The following CUEDC1 variants were observed in gnomAD, a reference collection of about 807,000 sequenced individuals.
CUEDC1 encodes the protein CUE domain containing 1.
In CUEDC1, 30 loss-of-function variants were observed where a neutral mutation model predicts 43.7. That is an observed-to-expected ratio of 0.69 (90% confidence interval 0.51 to 0.93). CUEDC1 has a LOEUF of 0.93. Ranked by LOEUF, CUEDC1 falls within the 40% of genes least tolerant of loss-of-function variation. The pLI is 0.00. For missense variants in CUEDC1, 486 were observed against 549.0 expected (o/e 0.89, Z 1.15); for synonymous variants, 223 against 223.6 (o/e 1.00, Z 0.02).
intron 1 of CUEDC1, among the ~76,000 whole-genome samples, chr17:57,915,903 C>T (rs561689882): frequency 1.3e-5 from 2 of 152,340 alleles, no homozygotes; most frequent in East Asian, 3.9e-4. Context: ...GGTTTCATTT[C>T]CTGCCAGGCA....
chr17:57,909,906 G>T (rs1306487897), intron 1 of CUEDC1, among the ~76,000 whole-genome samples: 1 of 152,242 alleles, frequency 6.6e-6, no homozygotes, highest in Non-Finnish European at 1.5e-5. Flanking sequence ...ATATCAAAGA[G>T]AACCCAACGG....
intron 2 of CUEDC1, among the ~76,000 whole-genome samples, chr17:57,881,540 G>C (rs1434406956): frequency 6.6e-6 from 1 of 152,196 alleles, no homozygotes; most frequent in East Asian, 1.9e-4. Flanking sequence ...CTGTTTCCCA[G>C]ACCCCTCTTC....
chr17:57,886,544 G>A (rs779924587), intron 1 of CUEDC1, among the ~76,000 whole-genome samples: 3 of 152,188 alleles, frequency 2.0e-5, no homozygotes, highest in Non-Finnish European at 4.4e-5. Context: ...GGGCTAATAG[G>A]GGAGGCCCAG....
intron 1 of CUEDC1, among the ~76,000 whole-genome samples, chr17:57,918,084 G>A (rs2074662258): frequency 6.6e-6 from 1 of 152,232 alleles, no homozygotes; most frequent in Non-Finnish European, 1.5e-5. Context: ...GGAGCTGGTG[G>A]GAGAAGCAGT....
At chr17:57,896,489 T>TGTGG (rs2074411139) in intron 1 of CUEDC1, among the ~76,000 whole-genome samples, 1 of 25,706 alleles carries the variant, frequency 3.9e-5, no homozygotes, top group Non-Finnish European at 9.4e-5. Flanking sequence ...CATTATGGGG[T>TGTGG]GTGTGTGTGT....
At chr17:57,908,747 C>G (rs2074553557) in intron 1 of CUEDC1, among the ~76,000 whole-genome samples, 1 of 152,254 alleles carries the variant, frequency 6.6e-6, no homozygotes, top group Non-Finnish European at 1.5e-5. Flanking sequence ...CCTGTAATCC[C>G]AGGACTTTGG....
chr17:57,908,990 G>C (rs1234490365), intron 1 of CUEDC1, among the ~76,000 whole-genome samples: 1 of 151,260 alleles, frequency 6.6e-6, no homozygotes, highest in Non-Finnish European at 1.5e-5. Context: ...GAACGAGACT[G>C]TCTCAAAAAA....
chr17:57,882,730 G>C (rs2074230047), intron 2 of CUEDC1, among the ~76,000 whole-genome samples: 1 of 152,086 alleles, frequency 6.6e-6, no homozygotes, highest in South Asian at 2.1e-4. Flanking sequence ...CCTTTACGAT[G>C]ATCTACTTCC....
chr17:57,917,930 A>G (rs2074659767), intron 1 of CUEDC1, among the ~76,000 whole-genome samples: 1 of 152,174 alleles, frequency 6.6e-6, no homozygotes, highest in Non-Finnish European at 1.5e-5. Flanking sequence ...GGTGGGGTAC[A>G]TGGACTGCTC....
At chr17:57,905,277 C>T (rs113730553) in intron 1 of CUEDC1, among the ~76,000 whole-genome samples, 40 of 151,154 alleles carry the variant, frequency 2.6e-4, no homozygotes, top group African/African-American at 5.4e-4. Context: ...CACACACACA[C>T]ACACACACAC....
Position 57,872,813 on chromosome 17 carries a change from G to A in CUEDC1, c.634C>T (p.Pro212Ser). The change falls in exon 5 of 11, where the codon CCA becomes TCA. Residue 212 changes from proline to serine, a missense_variant. Pro to Ser is a moderately conservative substitution (Grantham distance 74). Transcript: ENST00000577830. ...GGCCCTGGCCCAGCCATGGCAGGTG[G>A]ACATCCCTCTCCACTCCCAGGCTTG... is the stretch of plus-strand genomic sequence containing the variant. The part of the protein sequence containing the change: ...GPKPGSGEGC[P>S]PAMAGPGPGD... 6.2e-7 allele frequency: 1 copy of A among 1,614,152 alleles called. No homozygotes were observed. Among genetic ancestry groups the A allele is most frequent in the Non-Finnish European group, 8.5e-7 (1 of 1,180,012 alleles).
At chr17:57,888,750 G>T (rs564773660) in intron 1 of CUEDC1, among the ~76,000 whole-genome samples, 1 of 152,370 alleles carries the variant, frequency 6.6e-6, no homozygotes, top group African/African-American at 2.4e-5. Flanking sequence ...TGATGCCTTG[G>T]GCTACTGTCT....
At chr17:57,934,759 A>G (rs2074844216) in intron 1 of CUEDC1, among the ~76,000 whole-genome samples, 1 of 152,004 alleles carries the variant, frequency 6.6e-6, no homozygotes, top group South Asian at 2.1e-4. Flanking sequence ...CCAGGCTGGC[A>G]TGCAGTGGCG....
chr17:57,882,314 G>A (rs1325190445), intron 2 of CUEDC1, among the ~76,000 whole-genome samples: 3 of 151,022 alleles, frequency 2.0e-5, no homozygotes, highest in Non-Finnish European at 4.4e-5. Context: ...GGGGGTTGGG[G>A]AGACTGCCAA....
chr17:57,906,879 G>A (rs2074534548), intron 1 of CUEDC1, among the ~76,000 whole-genome samples: 1 of 151,530 alleles, frequency 6.6e-6, no homozygotes, highest in African/African-American at 2.4e-5. Flanking sequence ...GCTGAGGCAG[G>A]AGAATCGCTT....
intron 1 of CUEDC1, among the ~76,000 whole-genome samples, chr17:57,937,257 C>T (rs912301373): frequency 6.6e-6 from 1 of 152,108 alleles, no homozygotes; most frequent in African/African-American, 2.4e-5. Context: ...CCACACAAAG[C>T]AGGTACTATG....
At chr17:57,872,176 G>T (rs900657313) in intron 5 of CUEDC1, among the ~76,000 whole-genome samples, 4 of 152,210 alleles carry the variant, frequency 2.6e-5, no homozygotes, top group East Asian at 1.9e-4. Context: ...TAGGGAGCAG[G>T]GTCTCCAACC....
intron 1 of CUEDC1, among the ~76,000 whole-genome samples, chr17:57,940,959 G>C (rs536844344): frequency 1.3e-5 from 2 of 152,288 alleles, no homozygotes; most frequent in South Asian, 2.1e-4. Context: ...AAGACAGCTT[G>C]TCCTAGTGAC....
chr17:57,865,568 G>C (rs1209550412), intron 10 of CUEDC1, among the ~76,000 whole-genome samples: 1 of 152,210 alleles, frequency 6.6e-6, no homozygotes, highest in Admixed American at 6.5e-5. Context: ...TGGTAAACGG[G>C]GGCTGGAAAA....
Sources: allele counts gnomAD v4.1 joint callset (sites outside exome capture counted in the v4.1 genomes callset), GRCh38; gene constraint gnomAD v4.1.1; transcripts MANE v1.5; gene names NCBI Gene and HGNC (gene_info 2026-07-23, HGNC 2026-07-21).